The following ARFGEF2 variants were observed in gnomAD, a reference collection of about 807,000 sequenced individuals.
ARFGEF2 encodes brefeldin A-inhibited guanine nucleotide-exchange protein 2.
A neutral mutation model predicts 219.9 loss-of-function variants in ARFGEF2; 74 were observed. The observed-to-expected ratio is 0.34, with a 90% CI of 0.28 to 0.41. ARFGEF2 has a LOEUF of 0.41. ARFGEF2 is among the 10% of genes least tolerant of loss of function. The pLI is 1.00. For missense variants in ARFGEF2, 1,743 were observed against 2,218.3 expected (o/e 0.79, Z 4.30); for synonymous variants, 733 against 799.2 (o/e 0.92, Z 1.40).
rs886056760 is a variant in ARFGEF2 at position 49,033,414 on chromosome 20, G to T, written c.*215G>T. On this transcript the variant is annotated 3_prime_UTR_variant, in exon 39 of 39. Transcript: ENST00000371917. ...GTTGCATACCCAGTTAGCACAGTAG[G>T]TGGGGAGTCTGCTTCATTTCTATCA... is the stretch of plus-strand genomic sequence containing the variant. 7.4e-5 allele frequency: 41 copies of T among 554,384 alleles called. No homozygotes were observed. The highest frequency in any genetic ancestry group is 3.2e-5 in the Admixed American group (1 of 31,718). The allele number at this position is 554,384 out of a possible 1,614,324, so 34.3% of individuals were successfully genotyped here.
At chr20:48,958,693 C>T (rs765416761) in intron 6 of ARFGEF2, among the ~76,000 whole-genome samples, 17 of 152,124 alleles carry the variant, frequency 1.1e-4, no homozygotes, top group Admixed American at 3.9e-4. Flanking sequence ...CTGCCCACCT[C>T]GGCTTCCCAA....
At chr20:49,017,434 T>C in intron 32 of ARFGEF2, 47 bp downstream of exon 32, 1 of 1,613,834 alleles carries the variant, frequency 6.2e-7, no homozygotes, top group Non-Finnish European at 8.5e-7. Flanking sequence ...GTTCAGTGGA[T>C]GTCTTAAAGC....
intron 37 of ARFGEF2, among the ~76,000 whole-genome samples, chr20:49,031,569 G>C (rs1158788547): frequency 6.6e-6 from 1 of 151,964 alleles, no homozygotes; most frequent in Admixed American, 6.6e-5. Context: ...AAGAAACTAA[G>C]GCTCAGTGAT....
At chr20:48,922,468 C>T (rs113814875) in intron 1 of ARFGEF2, among the ~76,000 whole-genome samples, 2,335 of 152,310 alleles carry the variant, frequency 0.015, 68 homozygotes, top group South Asian at 0.084. Context: ...GAATGTTTTC[C>T]TTTGGTTTGG....
At chr20:48,990,264 A>G (rs1050216919) in intron 20 of ARFGEF2, among the ~76,000 whole-genome samples, 1 of 152,178 alleles carries the variant, frequency 6.6e-6, no homozygotes, top group African/African-American at 2.4e-5. Flanking sequence ...CATCTGCCTA[A>G]CTTGCCTGCT....
chr20:48,953,290 C>T (rs2091083136), intron 5 of ARFGEF2, among the ~76,000 whole-genome samples: 1 of 151,706 alleles, frequency 6.6e-6, no homozygotes, highest in African/African-American at 2.4e-5. Context: ...ATCTTCCCAC[C>T]TCAACCTCCC....
chr20:48,921,980 C>A lies in ARFGEF2; in HGVS notation c.91C>A (p.Gln31Lys). The A allele has an allele frequency of 6.3e-7, 1 of 1,579,106 alleles. No individual in the cohort carries two copies. Among genetic ancestry groups the A allele is most frequent in the Non-Finnish European group, 8.6e-7 (1 of 1,162,860 alleles). ...GGAGGTGAAGCGGCCCCAGCACTCC[C>A]AGCTGCGCAGGGCCTGCCAGGTGGC... ...DKEVKRPQHS[Q>K]LRRACQVALD... is the part of the protein sequence containing the mutation. Residue 31 changes from glutamine to lysine, a missense_variant, in exon 1 of 39, where the codon CAG becomes AAG. Transcript: ENST00000371917.
chr20:48,960,808 G>A (rs1437661916), intron 6 of ARFGEF2, among the ~76,000 whole-genome samples: 2 of 150,236 alleles, frequency 1.3e-5, no homozygotes, highest in Admixed American at 6.6e-5. Flanking sequence ...CTGGCTGGGC[G>A]CGGTGGCTTA....
Position 49,017,367 on chromosome 20 carries a change from C to CA in ARFGEF2, c.4438dup (p.Thr1480AsnfsTer38). On this transcript the variant is annotated frameshift_variant, in exon 32 of 39. Transcript: ENST00000371917. LOFTEE classifies it high-confidence loss of function. ...CCTGCAACTGTATGTTGGATATTTT[C>CA]AAAACAACCATCCCACATGTGTAAG... The CA allele has an allele frequency of 6.2e-7, 1 of 1,614,022 alleles. No individual in the cohort carries two copies. The highest frequency in any genetic ancestry group is 8.5e-7 in the Non-Finnish European group (1 of 1,179,984).
chr20:48,940,764 TG>T (rs1568693176), intron 1 of ARFGEF2, among the ~76,000 whole-genome samples: 1 of 151,988 alleles, frequency 6.6e-6, no homozygotes, highest in South Asian at 2.1e-4. Flanking sequence ...CAGACGTTTT[TG>T]GTTTTCAAGA....
intron 25 of ARFGEF2, among the ~76,000 whole-genome samples, chr20:49,002,388 A>G (rs2123492718): frequency 6.6e-6 from 1 of 152,334 alleles, no homozygotes; most frequent in African/African-American, 2.4e-5. Flanking sequence ...CTGCATACCC[A>G]TTAAACAGTA....
intron 23 of ARFGEF2, among the ~76,000 whole-genome samples, chr20:48,996,318 G>A (rs2091386743): frequency 6.6e-6 from 1 of 151,992 alleles, no homozygotes; most frequent in South Asian, 2.1e-4. Flanking sequence ...AGTCAGGCGT[G>A]GTGGTGGGCA....
chr20:49,001,054 C>CTTT lies in ARFGEF2; in HGVS notation c.3432+2572_3432+2574dup, dbSNP rs66754799. ...CCAGGTCATGGAAAACTCAGGAACT[C>CTTT]TTTTTTTTTTTTTTTTTTTTTTTTT... On this transcript the variant is annotated intron_variant, in intron 25 of 38. Transcript: ENST00000371917. 2.3e-3 allele frequency among the ~76,000 whole-genome samples: 139 copies of CTTT among 60,588 alleles called. 2 individuals are homozygous for CTTT. The highest frequency in any genetic ancestry group is 7.5e-3 in the African/African-American group (134 of 17,952). 39.7% of individuals were successfully genotyped at this position (60,588 alleles called of 152,430 possible).
chr20:49,033,552 A>G lies in ARFGEF2; in HGVS notation c.*353A>G. 3.4e-6 allele frequency: 1 copy of G among 291,724 alleles called. No homozygotes were observed. The highest frequency in any genetic ancestry group is 4.0e-5 in the South Asian group (1 of 24,718). The allele number at this position is 291,724 out of a possible 1,614,324, so 18.1% of individuals were successfully genotyped here. A position where few individuals can be genotyped will look rare whatever the true frequency, so the allele number is the denominator to read the frequency against. Reference sequence around the variant, plus strand: ...GTAAGAAGTCACTCTCCTTGAAAATACTGAACATAGCTGTATAGGTTTGTG... The same window carrying G: ...GTAAGAAGTCACTCTCCTTGAAAATGCTGAACATAGCTGTATAGGTTTGTG... On this transcript the variant is annotated 3_prime_UTR_variant, in exon 39 of 39. Transcript: ENST00000371917.
chr20:49,022,578 C>T (rs1437882014), intron 34 of ARFGEF2, among the ~76,000 whole-genome samples: 1 of 152,196 alleles, frequency 6.6e-6, no homozygotes, highest in Non-Finnish European at 1.5e-5. Context: ...GGACACAGAA[C>T]CTGCATAGCT....
intron 1 of ARFGEF2, among the ~76,000 whole-genome samples, chr20:48,930,236 C>G (rs2090904565): frequency 6.6e-6 from 1 of 152,232 alleles, no homozygotes; most frequent in Non-Finnish European, 1.5e-5. Flanking sequence ...CAGGAGCACA[C>G]TCATGCAGTA....
In ARFGEF2 at chr20:48,952,746, T is replaced by C; in HGVS notation, c.465T>C (p.His155=). ...TGACTTCCCCACACATTGAAATTCATGAGGGTACTATCCTGCAGACAGTGA... is the reference window on the plus strand; with the variant it reads ...TGACTTCCCCACACATTGAAATTCACGAGGGTACTATCCTGCAGACAGTGA... The part of the protein sequence containing the change: ...TAVTSPHIEI[H]EGTILQTVRT... Residue 155 remains histidine (H), a synonymous_variant, in exon 5 of 39, where the codon CAT becomes CAC. Transcript: ENST00000371917. 1 of 1,614,254 alleles carries C rather than the reference T, an allele frequency of 6.2e-7. No individual in the cohort carries two copies. Among genetic ancestry groups the C allele is most frequent in the Non-Finnish European group, 8.5e-7 (1 of 1,180,042 alleles).
At chr20:49,022,530 T>C (rs1222125807) in intron 34 of ARFGEF2, among the ~76,000 whole-genome samples, 1 of 152,148 alleles carries the variant, frequency 6.6e-6, no homozygotes, top group Non-Finnish European at 1.5e-5. Flanking sequence ...TGGTGGTCTT[T>C]AGGAGTAGCC....
chr20:48,968,493 C>T (rs558451327), intron 8 of ARFGEF2, among the ~76,000 whole-genome samples: 1 of 151,954 alleles, frequency 6.6e-6, no homozygotes, highest in East Asian at 1.9e-4. Context: ...ACCTTTACCT[C>T]CCAGGTTCAA....
Sources: allele counts gnomAD v4.1 joint callset (sites outside exome capture counted in the v4.1 genomes callset), GRCh38; gene constraint gnomAD v4.1.1; transcripts MANE v1.5; gene names NCBI Gene and HGNC (gene_info 2026-07-23, HGNC 2026-07-21).